TOMM40L: variants seen among roughly 807,000 people sequenced by gnomAD.
The protein encoded by TOMM40L is translocase of outer mitochondrial membrane 40 like.
TOMM40L carries 17 observed loss-of-function variants against 38.3 expected under a neutral mutation model. The observed-to-expected ratio is 0.44, with a 90% CI of 0.30 to 0.67. The LOEUF (loss-of-function observed/expected upper bound fraction) is 0.67. Among genes scored for constraint, TOMM40L ranks in the 30% least tolerant of loss-of-function variants. TOMM40L has a pLI of 0.08. For synonymous variants in TOMM40L, 151 were observed against 150.2 expected, an observed-to-expected ratio of 1.01 and a Z score of -0.04; for missense variants, 294 against 390.0, an observed-to-expected ratio of 0.75 and a Z score of 2.07.
chr1:161,226,463 C>A lies in TOMM40L; in HGVS notation c.-27C>A. 1 of 1,599,306 alleles carries A rather than the reference C, an allele frequency of 6.3e-7. No individual in the cohort carries two copies. The highest frequency in any genetic ancestry group is 8.5e-7 in the Non-Finnish European group (1 of 1,169,882). Reference sequence around the variant, plus strand: ...ATAGCGTCCTTTCACAGGCTAACCTCGGCTCTTCCCAGTCCTCTGGACTAA... The same window carrying A: ...ATAGCGTCCTTTCACAGGCTAACCTAGGCTCTTCCCAGTCCTCTGGACTAA... On this transcript the variant is annotated 5_prime_UTR_variant, in exon 2 of 10. Coordinates refer to ENST00000367988, the MANE Select transcript of TOMM40L (RefSeq NM_032174.6).
chr1:161,227,441 A>G, intron 4 of TOMM40L, 91 bp downstream of exon 4: 1 of 1,275,020 alleles, frequency 7.8e-7, no homozygotes, highest in Non-Finnish European at 1.1e-6. Flanking sequence ...TATGGGGAGG[A>G]ATGGGCCGTA....
In TOMM40L at chr1:161,226,370, A is replaced by G. The variant is rs1666345919; in HGVS notation, c.-120A>G. 6 of 804,278 alleles carry G rather than the reference A, an allele frequency of 7.5e-6. No individual in the cohort carries two copies. In the East Asian group the frequency reaches 1.6e-4, roughly 22 times the overall value. The allele number at this position is 804,278 out of a possible 1,614,324, so 49.8% of individuals were successfully genotyped here. A position where few individuals can be genotyped will look rare whatever the true frequency, so the allele number is the denominator to read the frequency against. On this transcript the variant is annotated 5_prime_UTR_variant, in exon 2 of 10. The change abolishes an upstream ATG in the 5' untranslated region. Transcript: ENST00000367988. ...CCTGTTCCAGGTGTAGCGTCGGACC[A>G]TGTGGAAGTTTCTGAGGCTGGGGAG...
intron 8 of TOMM40L, 92 bp from the exon 9 acceptor site, chr1:161,228,623 C>T (rs116664724): frequency 1.3e-6 from 2 of 1,555,304 alleles, no homozygotes; most frequent in African/African-American, 2.7e-5. Flanking sequence ...TATATATTTA[C>T]ATGCATGCCT....
At position 161,227,711 on chromosome 1, in the gene TOMM40L, C is replaced by A. The variant is rs757675941; in HGVS notation, c.352C>A (p.Arg118=). The A allele has an allele frequency of 1.9e-6, 3 of 1,613,218 alleles. No individual in the cohort carries two copies. The highest frequency in any genetic ancestry group is 1.7e-5 in the Admixed American group (1 of 60,004). The change falls in exon 5 of 10, where the codon CGG becomes AGG. Residue 118 remains arginine (R), a synonymous_variant. Transcript: ENST00000367988. ...NAQVLLLLAE[R]LRAKAVFQTQ... is the part of the protein sequence containing the mutation. ...CCAGGTCTTGCTCCTCTTGGCAGAGCGGCTCCGAGCTAAGGCTGTCTTCCA... is the reference window on the plus strand; with the variant it reads ...CCAGGTCTTGCTCCTCTTGGCAGAGAGGCTCCGAGCTAAGGCTGTCTTCCA...
chr1:161,230,012 A>G lies in TOMM40L; in HGVS notation c.*917A>G. The G allele has an allele frequency of 4.6e-6, 7 of 1,505,784 alleles. No individual in the cohort carries two copies. The highest frequency in any genetic ancestry group is 4.6e-6 in the Non-Finnish European group (5 of 1,096,180). 93.3% of individuals were successfully genotyped at this position (1,505,784 alleles called of 1,614,324 possible). A position where few individuals can be genotyped will look rare whatever the true frequency, so the allele number is the denominator to read the frequency against. ...TTGTCTCTAGGCCCTGATCCCCTGA[A>G]CTATTCCTCAGTGAAGCCAGGTCTG... is the stretch of plus-strand genomic sequence containing the variant. On this transcript the variant is annotated 3_prime_UTR_variant, in exon 10 of 10. Coordinates refer to ENST00000367988, the MANE Select transcript of TOMM40L (RefSeq NM_032174.6).
chr1:161,230,086 A>C lies in TOMM40L; in HGVS notation c.*991A>C. 2 of 850,254 alleles carry C rather than the reference A, an allele frequency of 2.4e-6. No individual in the cohort carries two copies. The highest frequency in any genetic ancestry group is 5.7e-5 in the Admixed American group (2 of 34,834). 52.7% of individuals were successfully genotyped at this position (850,254 alleles called of 1,614,324 possible). A position where few individuals can be genotyped will look rare whatever the true frequency, so the allele number is the denominator to read the frequency against. ...GGTATGACAGACTATCAGAGGTTCC[A>C]AAGGTCCTCCAGGGGGCCTCGGTCT... On this transcript the variant is annotated 3_prime_UTR_variant, in exon 10 of 10. Coordinates refer to ENST00000367988, the MANE Select transcript of TOMM40L (RefSeq NM_032174.6).
At position 161,229,092 on chromosome 1, in the gene TOMM40L, CT is replaced by C. The variant is rs780915599; in HGVS notation, c.925del (p.Ter309GlufsTer19). On this transcript the variant is annotated frameshift_variant and stop_lost, in exon 10 of 10. Transcript: ENST00000367988. LOFTEE classifies it high-confidence loss of function. ...ATTGTGGCTTCAGCATCACTGTGGG[CT>C]GAGGTTGTCCAGAGCCAGCCCCCAC... Reference protein sequence around the residue: ...FHCGFSITVG* With the variant: ...FHCGFSITVGX 1 of 1,614,192 alleles carries C rather than the reference CT, an allele frequency of 6.2e-7. No homozygotes were observed. Among genetic ancestry groups the C allele is most frequent in the Non-Finnish European group, 8.5e-7 (1 of 1,180,018 alleles).
Position 161,226,943 on chromosome 1 carries a change from C to T in TOMM40L, c.171C>T (p.Ser57=), listed in dbSNP as rs1269648863. ...AGCTCGTTGTCAACAAGGTTCTGAG[C>T]AGCCATTTCCAGGTGCTCCCACTTC... The part of the protein sequence containing the change: ...GVKLVVNKVL[S]SHFQVAHTIH... Residue 57 remains serine (S), a synonymous_variant, in exon 3 of 10, where the codon AGC becomes AGT. Transcript: ENST00000367988. 6.2e-7 allele frequency: 1 copy of T among 1,614,136 alleles called. No homozygotes were observed. Among genetic ancestry groups the T allele is most frequent in the East Asian group, 2.2e-5 (1 of 44,886 alleles).
At position 161,226,597 on chromosome 1, in the gene TOMM40L, A is replaced by T; in HGVS notation, c.108A>T (p.Leu36=). 6.2e-7 allele frequency: 1 copy of T among 1,613,956 alleles called. No individual in the cohort carries two copies. Among genetic ancestry groups the T allele is most frequent in the Non-Finnish European group, 8.5e-7 (1 of 1,179,920 alleles). ...GGAGCTTCGATGAGCTGCACCGTCT[A>T]TGCAAAGGTGAGAACTTGGCACTTG... ...NPGSFDELHR[L]CKDVFPAQME... The change falls in exon 2 of 10, where the codon CTA becomes CTT. Residue 36 remains leucine (L), a synonymous_variant. Transcript: ENST00000367988.
chr1:161,227,853 G>A (rs370114070), intron 5 of TOMM40L, 31 bp from the exon 6 acceptor site: 15 of 1,610,652 alleles, frequency 9.3e-6, no homozygotes, highest in Non-Finnish European at 1.3e-5. Flanking sequence ...AAAGAGGGAG[G>A]GAGATTTTAC....
Position 161,226,417 on chromosome 1 carries a change from C to A in TOMM40L, c.-73C>A. On this transcript the variant is annotated 5_prime_UTR_variant, in exon 2 of 10. Transcript: ENST00000367988. Reference sequence around the variant, plus strand: ...GGAGCCGGATAATGGGGGGTGGGGCCCGTTGGGGGGTAAAGGGGCAATAGC... The same window carrying A: ...GGAGCCGGATAATGGGGGGTGGGGCACGTTGGGGGGTAAAGGGGCAATAGC... The A allele has an allele frequency of 7.5e-7, 1 of 1,341,390 alleles. No homozygotes were observed. Among genetic ancestry groups the A allele is most frequent in the Non-Finnish European group, 1.0e-6 (1 of 974,562 alleles). The allele number at this position is 1,341,390 out of a possible 1,614,324, so 83.1% of individuals were successfully genotyped here.
Position 161,230,734 on chromosome 1 carries a change from A to AT in TOMM40L, c.*1639_*1640insT, listed in dbSNP as rs558974417. ...TCCCTAAGGAAAGGACAGTAAAAAA[A>AT]CATTCCTCCCAAGCTCAATGTTTCA... On this transcript the variant is annotated 3_prime_UTR_variant, in exon 10 of 10. Transcript: ENST00000367988. The AT allele has an allele frequency of 5.2e-4, 826 of 1,595,150 alleles. 1 individual carries two copies. Among genetic ancestry groups the AT allele is most frequent in the South Asian group, 1.5e-3 (139 of 90,434 alleles).
intron 2 of TOMM40L, 94 bp downstream of exon 2, chr1:161,226,698 G>A (rs2102074187): frequency 1.4e-6 from 2 of 1,388,310 alleles, no homozygotes; most frequent in Admixed American, 2.0e-5. Flanking sequence ...CAGGAAAGGG[G>A]AGATCATAGC....
In TOMM40L at chr1:161,229,201, G is replaced by C; in HGVS notation, c.*106G>C. 1 of 1,521,858 alleles carries C rather than the reference G, an allele frequency of 6.6e-7. No homozygotes were observed. Among genetic ancestry groups the C allele is most frequent in the Non-Finnish European group, 9.0e-7 (1 of 1,114,858 alleles). 94.3% of individuals were successfully genotyped at this position (1,521,858 alleles called of 1,614,324 possible). A position where few individuals can be genotyped will look rare whatever the true frequency, so the allele number is the denominator to read the frequency against. On this transcript the variant is annotated 3_prime_UTR_variant, in exon 10 of 10. Transcript: ENST00000367988. ...AGCCCACCTTGCTGGGTGATCTCTA[G>C]GACCCAGGAGCAGAGTGGTGGACAG...
Position 161,226,803 on chromosome 1 carries a change from C to G in TOMM40L, c.116-85C>G, listed in dbSNP as rs923052988. 2.7e-6 allele frequency: 4 copies of G among 1,493,930 alleles called. No homozygotes were observed. In the African/African-American group the frequency reaches 5.6e-5, roughly 21 times the overall value. The allele number at this position is 1,493,930 out of a possible 1,614,324, so 92.5% of individuals were successfully genotyped here. ...GGAGGTTAATTCCTCCAAAGTGTTC[C>G]CTATGGGATTGAAAGGGGAGACTAT... On this transcript the variant is annotated intron_variant, in intron 2 of 9. Transcript: ENST00000367988.
intron 4 of TOMM40L, 45 bp downstream of exon 4, chr1:161,227,395 G>A: frequency 6.4e-7 from 1 of 1,570,894 alleles, no homozygotes. Context: ...AAACCAATCT[G>A]GGACCCAGGT....
chr1:161,226,593 G>A lies in TOMM40L; in HGVS notation c.104G>A (p.Arg35His). The stretch of plus-strand genomic sequence containing the variant: ...CCTGGGAGCTTCGATGAGCTGCACC[G>A]TCTATGCAAAGGTGAGAACTTGGCA... ...PNPGSFDELH[R>H]LCKDVFPAQM... The change falls in exon 2 of 10, where the codon CGT becomes CAT. Residue 35 changes from arginine to histidine, a missense_variant. Physicochemically the swap from Arg to His is conservative, Grantham distance 29. Transcript: ENST00000367988. The A allele has an allele frequency of 6.2e-7, 1 of 1,614,034 alleles. No homozygotes were observed. The highest frequency in any genetic ancestry group is 8.5e-7 in the Non-Finnish European group (1 of 1,179,960).
chr1:161,229,599 T>A lies in TOMM40L; in HGVS notation c.*504T>A, dbSNP rs35937139. The A allele has an allele frequency of 1.3e-4, 202 of 1,582,832 alleles. 3 individuals are homozygous for A. The East Asian group carries it at 4.1e-3, about 32-fold the overall frequency. ...GAGGTTTCCTCCTTCCCATCTTCTG[T>A]GCTTCCAGAGAACAACTTTGTTCCT... On this transcript the variant is annotated 3_prime_UTR_variant, in exon 10 of 10. Coordinates refer to ENST00000367988, the MANE Select transcript of TOMM40L (RefSeq NM_032174.6).
rs1666782398 is a variant in TOMM40L at position 161,230,069 on chromosome 1, AGACT to A, written c.*975_*978del. 3.1e-6 allele frequency: 3 copies of A among 970,914 alleles called. No individual in the cohort carries two copies. The highest frequency in any genetic ancestry group is 2.7e-5 in the Admixed American group (1 of 37,316). The allele number at this position is 970,914 out of a possible 1,614,324, so 60.1% of individuals were successfully genotyped here. A position where few individuals can be genotyped will look rare whatever the true frequency, so the allele number is the denominator to read the frequency against. ...AGAGAAAATCATGCTCTGGTATGAC[AGACT>A]ATCAGAGGTTCCAAAGGTCCTCCAG... On this transcript the variant is annotated 3_prime_UTR_variant, in exon 10 of 10. Coordinates refer to ENST00000367988, the MANE Select transcript of TOMM40L (RefSeq NM_032174.6).
Sources: gnomAD v4.1 joint callset for allele counts on GRCh38, gnomAD v4.1.1 for gene constraint, MANE v1.5 for transcripts, NCBI Gene and HGNC (gene_info 2026-07-23, HGNC 2026-07-21) for gene names.